Variants in CARS2 observed in about 807,000 individuals in gnomAD.
CARS2 encodes cysteinyl-tRNA synthetase 2, mitochondrial.
Under a neutral mutation model 68.8 loss-of-function variants are expected in CARS2, and 52 were observed. The observed-to-expected ratio is 0.76, with a 90% CI of 0.61 to 0.95. The LOEUF is 0.95. CARS2 is among the 40% of genes least tolerant of loss of function. The pLI, the probability that CARS2 is intolerant of heterozygous loss-of-function variation, is 0.00. For missense variants in CARS2, 780 were observed against 754.2 expected (o/e 1.03, Z -0.40); for synonymous variants, 314 against 303.6 (o/e 1.03, Z -0.36).
chr13:110,645,668 T>G, intron 12 of CARS2: 3 of 301,722 alleles, frequency 9.9e-6, no homozygotes, highest in Non-Finnish European at 1.2e-5. Context: ...GAAAGGGCCA[T>G]GAATGCAGTG....
intron 1 of CARS2, among the ~76,000 whole-genome samples, chr13:110,711,614 G>C (rs966518237): frequency 2.0e-5 from 3 of 152,232 alleles, no homozygotes; most frequent in Non-Finnish European, 4.4e-5. Context: ...AGAATAGCGT[G>C]ATCTGTAAGT....
At chr13:110,711,238 AG>A (rs2064024619), upstream of CARS2, among the ~76,000 whole-genome samples, 2 of 85,942 alleles carry the variant, frequency 2.3e-5, no homozygotes, top group Admixed American at 1.3e-4. Flanking sequence ...TTTTTTCCGG[AG>A]ATAGTCTTGC....
chr13:110,699,632 A>G (rs1483130357), intron 3 of CARS2, among the ~76,000 whole-genome samples: 1 of 152,260 alleles, frequency 6.6e-6, no homozygotes, highest in African/African-American at 2.4e-5. Context: ...AATTGTGAAA[A>G]TGGGCAAAAA....
At chr13:110,657,039 C>T (rs1479545256) in intron 9 of CARS2, among the ~76,000 whole-genome samples, 1 of 152,006 alleles carries the variant, frequency 6.6e-6, no homozygotes, top group Non-Finnish European at 1.5e-5. Flanking sequence ...TAAGAGAAGC[C>T]TTAAGTTTTA....
chr13:110,696,701 A>G (rs547478257), intron 3 of CARS2, among the ~76,000 whole-genome samples: 1 of 152,372 alleles, frequency 6.6e-6, no homozygotes, highest in South Asian at 2.1e-4. Flanking sequence ...CTCTACAGTT[A>G]GAATGTTTAA....
intron 3 of CARS2, among the ~76,000 whole-genome samples, chr13:110,693,396 G>C (rs981589769): frequency 2.0e-5 from 3 of 151,914 alleles, no homozygotes; most frequent in African/African-American, 7.3e-5. Context: ...GTCTCGCTCT[G>C]TCGCCCAGGC....
intron 3 of CARS2, among the ~76,000 whole-genome samples, chr13:110,693,203 A>G (rs1378174257): frequency 6.6e-6 from 1 of 151,778 alleles, no homozygotes; most frequent in Non-Finnish European, 1.5e-5. Flanking sequence ...AAGGCTCATC[A>G]GGTAGAATAC....
At chr13:110,694,859 TAAAA>T (rs1464613300) in intron 3 of CARS2, among the ~76,000 whole-genome samples, 1 of 152,188 alleles carries the variant, frequency 6.6e-6, no homozygotes, top group Non-Finnish European at 1.5e-5. Flanking sequence ...GTTATCATTT[TAAAA>T]GCTTGCATGA....
chr13:110,670,892 A>G lies in CARS2; in HGVS notation c.786-3419T>C, dbSNP rs2139780126. On this transcript the variant is annotated intron_variant, in intron 7 of 14. Coordinates refer to ENST00000257347, the MANE Select transcript of CARS2 (RefSeq NM_024537.4). The surrounding 1 kb of genome is among the most constrained non-coding windows in gnomAD (Gnocchi z 4.1). ...AAATGACCTGATGGAGCTGAAAACC[A>G]TGGCACAACAACTATGTGATGCATG... 6.6e-6 allele frequency among the ~76,000 whole-genome samples: 1 copy of G among 152,386 alleles called. No individual in the cohort carries two copies. The highest frequency in any genetic ancestry group is 2.4e-5 in the African/African-American group (1 of 41,594).
At chr13:110,704,268 G>A (rs1426150680) in intron 2 of CARS2, among the ~76,000 whole-genome samples, 1 of 152,118 alleles carries the variant, frequency 6.6e-6, no homozygotes, top group Non-Finnish European at 1.5e-5. Context: ...TAACAGAACT[G>A]TTTTCTTTCT....
In CARS2 at chr13:110,676,795, C is replaced by T. The variant is rs957161701; in HGVS notation, c.785+179G>A. On this transcript the variant is annotated intron_variant, in intron 7 of 14. Transcript: ENST00000257347. The surrounding 1 kb of genome is among the most constrained non-coding windows in gnomAD (Gnocchi z 4.0). ...CTGAGGTCAGGAAAGCTTGATGTGT[C>T]ATGGGTTTCGTTCACCCCGTTCCAT... Among the ~76,000 whole-genome samples the T allele has an allele frequency of 1.3e-5, 2 of 152,132 alleles. No individual in the cohort carries two copies. Among genetic ancestry groups the T allele is most frequent in the African/African-American group, 4.8e-5 (2 of 41,414 alleles).
rs960954741 is a variant in CARS2 at position 110,653,514 on chromosome 13, C to T, written c.988-2414G>A. ...GAAACACCACTCCACAAGCAGCCTC[C>T]ACGCTCCCCACTTCATTCCAAAAAC... On this transcript the variant is annotated intron_variant, in intron 9 of 14. Transcript: ENST00000257347. The surrounding 1 kb of genome is among the most constrained non-coding windows in gnomAD (Gnocchi z 5.6). Among the ~76,000 whole-genome samples the T allele has an allele frequency of 1.3e-5, 2 of 152,180 alleles. No homozygotes were observed. The highest frequency in any genetic ancestry group is 4.8e-5 in the African/African-American group (2 of 41,442).
chr13:110,688,385 G>A (rs1188290420), intron 3 of CARS2, among the ~76,000 whole-genome samples: 3 of 152,190 alleles, frequency 2.0e-5, no homozygotes, highest in Non-Finnish European at 4.4e-5. Flanking sequence ...TGAGGTTGAA[G>A]CTGCGAACAG....
At chr13:110,657,377 G>C (rs139975111) in intron 9 of CARS2, among the ~76,000 whole-genome samples, 2,601 of 152,272 alleles carry the variant, frequency 0.017, 47 homozygotes, top group Middle Eastern at 0.085. Context: ...CCCCTCAAAG[G>C]CAGGGTGGCT....
intron 12 of CARS2, chr13:110,645,605 C>A (rs373373): frequency 0.93 from 169,397 of 182,384 alleles, 78,776 homozygotes; most frequent in Non-Finnish European, 0.95. Context: ...ATAACAGTGC[C>A]TTGGGGTAAA....
intron 2 of CARS2, among the ~76,000 whole-genome samples, chr13:110,703,917 C>T (rs2063864236): frequency 1.3e-5 from 2 of 152,234 alleles, no homozygotes; most frequent in African/African-American, 4.8e-5. Flanking sequence ...GAGGTGGAGC[C>T]TCTGGGAGTG....
At position 110,642,202 on chromosome 13, in the gene CARS2, C is replaced by T. The variant is rs576981910; in HGVS notation, c.1623+113G>A. Reference sequence around the variant, plus strand: ...AGCCTGGGTGACAAGAGTGAAACTCCGTCTCAAAAAAAAAGCATGGTCACG... The same window carrying T: ...AGCCTGGGTGACAAGAGTGAAACTCTGTCTCAAAAAAAAAGCATGGTCACG... On this transcript the variant is annotated intron_variant, in intron 14 of 14. Transcript: ENST00000257347. The T allele has an allele frequency of 1.4e-4, 115 of 811,554 alleles. 1 individual carries two copies. Among genetic ancestry groups the T allele is most frequent in the African/African-American group, 4.3e-4 (25 of 58,534 alleles). 50.3% of individuals were successfully genotyped at this position (811,554 alleles called of 1,614,324 possible).
intron 6 of CARS2, among the ~76,000 whole-genome samples, chr13:110,679,585 AAGAAAGAAAGAAAG>A (rs758539312): frequency 3.8e-3 from 43 of 11,378 alleles, no homozygotes; most frequent in South Asian, 6.1e-3. Context: ...GAAAGAAAGA[AAGAAAGAAAGAAAG>A]AGAGAGAGAG....
chr13:110,683,782 C>T (rs939426509), intron 5 of CARS2, among the ~76,000 whole-genome samples: 1 of 152,114 alleles, frequency 6.6e-6, no homozygotes, highest in Non-Finnish European at 1.5e-5. Context: ...TTTGGGAGTC[C>T]GAGGCAGGAG....
Sources: gnomAD v4.1 joint callset for allele counts (sites outside exome capture counted in the v4.1 genomes callset) on GRCh38, gnomAD v4.1.1 for gene constraint, Gnocchi (gnomAD v3.1) non-coding constraint, MANE v1.5 for transcripts, NCBI Gene and HGNC (gene_info 2026-07-23, HGNC 2026-07-21) for gene names.